Variants in MAP4K4 observed in about 807,000 individuals in gnomAD.
MAP4K4 encodes HPK/GCK-like kinase HGK.
A neutral mutation model predicts 189.6 loss-of-function variants in MAP4K4; 38 were observed. That is an observed-to-expected ratio of 0.20 (90% CI 0.15 to 0.26). MAP4K4 has a LOEUF of 0.26. Among genes scored for constraint, MAP4K4 ranks in the 10% least tolerant of loss-of-function variants. MAP4K4 has a pLI of 1.00. For missense variants in MAP4K4, 1,054 were observed against 1,726.9 expected (o/e 0.61, Z 6.91); for synonymous variants, 610 against 624.3 (o/e 0.98, Z 0.34).
At chr2:101,873,955 C>T in intron 25 of MAP4K4, 127 bp from the exon 26 acceptor site, 1 of 874,228 alleles carries the variant, frequency 1.1e-6, no homozygotes, top group Non-Finnish European at 1.8e-6. Flanking sequence ...ACATTGCTTA[C>T]AGATTTCTTC....
intron 14 of MAP4K4, 90 bp from the exon 15 acceptor site, chr2:101,859,552 TG>T: frequency 1.0e-6 from 1 of 971,372 alleles, no homozygotes; most frequent in Non-Finnish European, 1.5e-6. Flanking sequence ...GGAAAATATA[TG>T]GTCACTTTTT....
At chr2:101,841,005 C>T (rs913429133) in intron 10 of MAP4K4, among the ~76,000 whole-genome samples, 5 of 152,248 alleles carry the variant, frequency 3.3e-5, no homozygotes, top group East Asian at 3.9e-4. Flanking sequence ...GACATGGAAG[C>T]GCTGTTCAGG....
chr2:101,723,191 T>G (rs144902783), intron 2 of MAP4K4, among the ~76,000 whole-genome samples: 1 of 152,328 alleles, frequency 6.6e-6, no homozygotes, highest in East Asian at 1.9e-4. Context: ...ACCTGGTCTC[T>G]TCCTTGAAAT....
intron 2 of MAP4K4, among the ~76,000 whole-genome samples, chr2:101,701,596 G>A (rs1433622073): frequency 6.6e-6 from 1 of 152,170 alleles, no homozygotes; most frequent in Non-Finnish European, 1.5e-5. Context: ...GTGGTAAATG[G>A]TCTGGTATAG....
intron 2 of MAP4K4, among the ~76,000 whole-genome samples, chr2:101,713,014 G>A (rs559912835): frequency 4.7e-5 from 7 of 149,484 alleles, no homozygotes; most frequent in Non-Finnish European, 7.4e-5. Flanking sequence ...GGCAGTTCTC[G>A]TGCCTCAGCC....
At chr2:101,814,155 A>G (rs72989349) in intron 3 of MAP4K4, among the ~76,000 whole-genome samples, 9,621 of 152,306 alleles carry the variant, frequency 0.063, 823 homozygotes, top group African/African-American at 0.19. Flanking sequence ...AGTGACCTCC[A>G]GATACATGCT....
chr2:101,765,074 A>G (rs1354419698), intron 2 of MAP4K4, among the ~76,000 whole-genome samples: 2 of 152,198 alleles, frequency 1.3e-5, no homozygotes, highest in African/African-American at 2.4e-5. Context: ...AACACAAATA[A>G]TGCAAGGGAA....
chr2:101,745,418 A>G (rs1278534291), intron 2 of MAP4K4, among the ~76,000 whole-genome samples: 2 of 118,608 alleles, frequency 1.7e-5, no homozygotes, highest in Non-Finnish European at 3.3e-5. Flanking sequence ...CCTACATACA[A>G]TTCAAGATTT....
rs4851499 is a variant in MAP4K4 at position 101,803,273 on chromosome 2, G to A, written c.180+12497G>A. On this transcript the variant is annotated intron_variant, in intron 3 of 32. Transcript: ENST00000324219. ...TGTGTGTGTGTGTGTGTATGTATGT[G>A]TGTGTGTGTTTGTGTGTGTGTCTGT... Among the ~76,000 whole-genome samples, 5 of 146,840 alleles carry A rather than the reference G, an allele frequency of 3.4e-5. No individual in the cohort carries two copies. The Admixed American group carries it at 3.4e-4, about 10-fold the overall frequency.
At chr2:101,707,559 C>T (rs920265205) in intron 2 of MAP4K4, among the ~76,000 whole-genome samples, 2 of 152,094 alleles carry the variant, frequency 1.3e-5, no homozygotes, top group Admixed American at 6.6e-5. Flanking sequence ...GTCCCCCAGG[C>T]TGCAGTACAG....
chr2:101,834,346 ACAT>A, intron 7 of MAP4K4, 60 bp from the exon 8 acceptor site: 1 of 1,231,800 alleles, frequency 8.1e-7, no homozygotes, highest in Non-Finnish European at 1.2e-6. Context: ...GAATACCCAG[ACAT>A]GTAAGTTAGT....
intron 12 of MAP4K4, among the ~76,000 whole-genome samples, chr2:101,846,364 T>C (rs1177466007): frequency 6.6e-6 from 1 of 152,214 alleles, no homozygotes; most frequent in African/African-American, 2.4e-5. Context: ...ACTATCTTTT[T>C]TTGATCCCGG....
chr2:101,719,675 G>T (rs946152937), intron 2 of MAP4K4, among the ~76,000 whole-genome samples: 2 of 152,146 alleles, frequency 1.3e-5, no homozygotes, highest in African/African-American at 4.8e-5. Context: ...AAAATGCGTC[G>T]TGTTGGAATA....
At chr2:101,813,302 A>G (rs2095540741) in intron 3 of MAP4K4, among the ~76,000 whole-genome samples, 1 of 152,198 alleles carries the variant, frequency 6.6e-6, no homozygotes, top group Non-Finnish European at 1.5e-5. Context: ...TACAAATAGT[A>G]CTCAATGTCA....
intron 10 of MAP4K4, 109 bp downstream of exon 10, chr2:101,840,103 G>C (rs995669039): frequency 6.6e-6 from 7 of 1,063,576 alleles, no homozygotes; most frequent in Non-Finnish European, 9.2e-6. Flanking sequence ...CTTGGCCAGT[G>C]CTTGCATGGT....
chr2:101,788,333 A>T (rs1001676013), intron 2 of MAP4K4, among the ~76,000 whole-genome samples: 1 of 152,184 alleles, frequency 6.6e-6, no homozygotes, highest in Non-Finnish European at 1.5e-5. Flanking sequence ...CTAGGGCCTT[A>T]TAGACTCTCT....
At chr2:101,711,021 A>T (rs2045202643) in intron 2 of MAP4K4, among the ~76,000 whole-genome samples, 1 of 152,140 alleles carries the variant, frequency 6.6e-6, no homozygotes, top group African/African-American at 2.4e-5. Context: ...CATCCTGAAC[A>T]TTCTCATATG....
chr2:101,856,889 T>C (rs945046651), intron 13 of MAP4K4, among the ~76,000 whole-genome samples: 5 of 152,238 alleles, frequency 3.3e-5, no homozygotes, highest in Admixed American at 2.0e-4. Flanking sequence ...GTGTTAACTT[T>C]CAAATGTGAC....
chr2:101,855,982 AAGG>A, exon 13 of MAP4K4: 2 of 1,543,304 alleles, frequency 1.3e-6, no homozygotes, highest in Non-Finnish European at 1.7e-6. Flanking sequence ...CGTAGCAACA[AAGG>A]AGAGAGCGGG....
Sources: allele counts gnomAD v4.1 joint callset (sites outside exome capture counted in the v4.1 genomes callset), GRCh38; gene constraint gnomAD v4.1.1; transcripts MANE v1.5; gene names NCBI Gene and HGNC (gene_info 2026-07-23, HGNC 2026-07-21).